The following EIF3H variants were observed in gnomAD, a reference collection of about 807,000 sequenced individuals.
EIF3H encodes eukaryotic translation initiation factor 3 subunit H.
Under a neutral mutation model 44.2 loss-of-function variants are expected in EIF3H, and 26 were observed. The ratio of observed to expected loss-of-function variants is 0.59; its 90% CI spans 0.43 to 0.82. The LOEUF is 0.82. Among genes scored for constraint, EIF3H ranks in the 40% least tolerant of loss-of-function variants. The pLI is 0.00. For missense variants in EIF3H, 359 were observed against 432.8 expected (o/e 0.83, Z 1.51); for synonymous variants, 166 against 151.9 (o/e 1.09, Z -0.68).
chr8:116,648,341 G>A (rs1419441605), intron 6 of EIF3H, among the ~76,000 whole-genome samples: 1 of 152,132 alleles, frequency 6.6e-6, no homozygotes, highest in Non-Finnish European at 1.5e-5. Context: ...TAATTCTAGG[G>A]TTTTTGTCTG....
intron 1 of EIF3H, among the ~76,000 whole-genome samples, chr8:116,750,567 G>A (rs990305692): frequency 5.3e-5 from 8 of 151,802 alleles, no homozygotes; most frequent in African/African-American, 9.7e-5. Context: ...CCGCCACCAC[G>A]CCCGACTAAT....
chr8:116,715,598 G>T (rs1411584430), intron 2 of EIF3H, among the ~76,000 whole-genome samples: 2 of 152,024 alleles, frequency 1.3e-5, no homozygotes, highest in Admixed American at 6.6e-5. Flanking sequence ...GAAAATTATG[G>T]ATTTGGCTCT....
intron 1 of EIF3H, among the ~76,000 whole-genome samples, chr8:116,742,062 AG>A (rs1430495272): frequency 8.5e-5 from 13 of 152,188 alleles, no homozygotes; most frequent in Non-Finnish European, 1.9e-4. Flanking sequence ...TTGATGTGAA[AG>A]AAATTTAAGT....
intron 2 of EIF3H, among the ~76,000 whole-genome samples, chr8:116,721,415 G>A (rs755517337): frequency 2.0e-5 from 3 of 152,236 alleles, no homozygotes; most frequent in Non-Finnish European, 2.9e-5. Flanking sequence ...TAGAACCTCT[G>A]CTAGGGCAGT....
intron 2 of EIF3H, among the ~76,000 whole-genome samples, chr8:116,722,502 G>C (rs948473566): frequency 3.3e-5 from 5 of 152,064 alleles, no homozygotes; most frequent in South Asian, 2.1e-4. Context: ...CCTTCCAGAC[G>C]TAACTATTAC....
At chr8:116,738,099 T>C (rs1330241341) in intron 1 of EIF3H, among the ~76,000 whole-genome samples, 1 of 152,110 alleles carries the variant, frequency 6.6e-6, no homozygotes, top group Admixed American at 6.5e-5. Context: ...ATCTGCATTT[T>C]AGTTATACTA....
rs1327399785 is a variant in EIF3H, at chr8:116,730,127, T to G, written c.133-3955A>C. ...TACATACACACTAAAACCTCAGTTC[T>G]TTAGTTCAAGAAGTAATGTCATGGA... On this transcript the variant is annotated intron_variant, in intron 1 of 7. Coordinates refer to ENST00000521861, the MANE Select transcript of EIF3H (RefSeq NM_003756.3). Among the ~76,000 whole-genome samples, 3 of 152,228 alleles carry G rather than the reference T, an allele frequency of 2.0e-5. No individual in the cohort carries two copies. The East Asian group carries it at 5.8e-4, about 29-fold the overall frequency.
intron 2 of EIF3H, among the ~76,000 whole-genome samples, chr8:116,704,759 A>C (rs1395356831): frequency 6.6e-6 from 1 of 152,244 alleles, no homozygotes; most frequent in Non-Finnish European, 1.5e-5. Context: ...AGTTTAAAAG[A>C]GGTCAAGCTA....
At chr8:116,754,618 T>C (rs1281864682) in intron 1 of EIF3H, among the ~76,000 whole-genome samples, 1 of 151,792 alleles carries the variant, frequency 6.6e-6, no homozygotes, top group Non-Finnish European at 1.5e-5. Flanking sequence ...ATACTTCTCA[T>C]TCCCACTTGA....
intron 2 of EIF3H, among the ~76,000 whole-genome samples, chr8:116,723,664 A>G (rs543756036): frequency 6.6e-6 from 1 of 152,354 alleles, no homozygotes; most frequent in East Asian, 1.9e-4. Flanking sequence ...ACATTCTATC[A>G]AAGTTAATGT....
intron 2 of EIF3H, among the ~76,000 whole-genome samples, chr8:116,668,054 T>C (rs1246962807): frequency 1.3e-5 from 2 of 152,174 alleles, no homozygotes; most frequent in African/African-American, 4.8e-5. Context: ...TACTTCCATA[T>C]TTTCTCCCTC....
chr8:116,681,305 T>A (rs1813985253), intron 2 of EIF3H, among the ~76,000 whole-genome samples: 1 of 152,050 alleles, frequency 6.6e-6, no homozygotes, highest in African/African-American at 2.4e-5. Context: ...GAGGTTGTAG[T>A]GAGCCGAGAT....
intron 1 of EIF3H, among the ~76,000 whole-genome samples, chr8:116,741,907 A>C (rs2130961599): frequency 6.6e-6 from 1 of 152,336 alleles, no homozygotes; most frequent in African/African-American, 2.4e-5. Context: ...CAAAGATGGT[A>C]GTTATTGCCA....
intron 1 of EIF3H, among the ~76,000 whole-genome samples, chr8:116,738,333 A>C (rs558600331): frequency 1.3e-5 from 2 of 152,296 alleles, no homozygotes; most frequent in East Asian, 3.9e-4. Context: ...GGGCTGAATG[A>C]AGCAGTTAAG....
At chr8:116,708,120 T>C (rs1014306456) in intron 2 of EIF3H, among the ~76,000 whole-genome samples, 5 of 152,116 alleles carry the variant, frequency 3.3e-5, no homozygotes, top group Admixed American at 6.5e-5. Context: ...GGCTGTTGAT[T>C]GTCACTTCCA....
chr8:116,754,637 G>A (rs1366552844), intron 1 of EIF3H, among the ~76,000 whole-genome samples: 1 of 138,710 alleles, frequency 7.2e-6, no homozygotes, highest in Non-Finnish European at 1.5e-5. Flanking sequence ...GACAGATGAG[G>A]AAAGCAAAGC....
chr8:116,659,069 T>C (rs1003165558), intron 2 of EIF3H, 89 bp from the exon 3 acceptor site: 2 of 1,114,850 alleles, frequency 1.8e-6, no homozygotes, highest in African/African-American at 3.2e-5. Flanking sequence ...AACAAATGTC[T>C]ACATAACAAT....
intron 2 of EIF3H, among the ~76,000 whole-genome samples, chr8:116,673,545 G>A (rs1813792129): frequency 6.6e-6 from 1 of 152,124 alleles, no homozygotes; most frequent in Non-Finnish European, 1.5e-5. Flanking sequence ...AAATAATGCT[G>A]TCAAGCTACC....
At position 116,675,278 on chromosome 8, in the gene EIF3H, A is replaced by G. The variant is rs538537754; in HGVS notation, c.290-16298T>C. ...TTCCTATTTACACTCTTGTTTTTCA[A>G]CTGCCTGTGTAAATCATCAAACTCC... On this transcript the variant is annotated intron_variant, in intron 2 of 7. Transcript: ENST00000521861. Among the ~76,000 whole-genome samples the G allele has an allele frequency of 4.1e-4, 63 of 152,336 alleles. 1 individual carries two copies. The South Asian group carries it at 0.012, about 29-fold the overall frequency.
Sources: gnomAD v4.1 joint callset for allele counts (sites outside exome capture counted in the v4.1 genomes callset) on GRCh38, gnomAD v4.1.1 for gene constraint, MANE v1.5 for transcripts, NCBI Gene and HGNC (gene_info 2026-07-23, HGNC 2026-07-21) for gene names.